Variants in AGTPBP1 observed in about 807,000 individuals in gnomAD.
The protein encoded by AGTPBP1 is cytosolic carboxypeptidase 1.
Under a neutral mutation model 143.9 loss-of-function variants are expected in AGTPBP1, and 70 were observed. The observed-to-expected ratio is 0.49, with a 90% CI of 0.40 to 0.59. AGTPBP1 has a LOEUF of 0.59. Ranked by LOEUF, AGTPBP1 falls within the 20% of genes least tolerant of loss-of-function variation. The pLI, the probability that AGTPBP1 is intolerant of heterozygous loss-of-function variation, is 0.00. For synonymous variants in AGTPBP1, 463 were observed against 500.2 expected, an observed-to-expected ratio of 0.93 and a Z score of 0.99; for missense variants, 1,229 against 1,464.5, an observed-to-expected ratio of 0.84 and a Z score of 2.62.
At chr9:85,611,155 C>CTTTTTTTTT (rs56023115) in intron 17 of AGTPBP1, among the ~76,000 whole-genome samples, 1 of 112,736 alleles carries the variant, frequency 8.9e-6, no homozygotes, top group Non-Finnish European at 1.8e-5. Flanking sequence ...AGGGGCTTTT[C>CTTTTTTTTT]TTTTTTTTTT....
chr9:85,633,215 C>A lies in AGTPBP1; in HGVS notation c.1462G>T (p.Gly488Cys). 1.2e-6 allele frequency: 2 copies of A among 1,613,464 alleles called. No homozygotes were observed. Among genetic ancestry groups the A allele is most frequent in the Non-Finnish European group, 1.7e-6 (2 of 1,179,892 alleles). The change falls in exon 14 of 26, where the codon GGT becomes TGT. Residue 488 changes from glycine to cysteine, a missense_variant. Gly to Cys is a radical substitution (Grantham distance 159, BLOSUM62 -3). This residue lies in a region of AGTPBP1 where 743 missense variants were observed against 812.2 expected (regional missense o/e 0.91). Transcript: ENST00000357081. ...TCCATAAAGGTAGACTTCTTTTCAC[C>A]TTCATCTCCTTTAGAAGATATGTTC... ...KENISSKGDE[G>C]EKKSTFMDLA...
intron 8 of AGTPBP1, among the ~76,000 whole-genome samples, chr9:85,668,168 A>C (rs1182564807): frequency 2.6e-5 from 4 of 152,200 alleles, no homozygotes; most frequent in African/African-American, 9.6e-5. Flanking sequence ...TAACAGGTAC[A>C]TCAGAGTTCA....
At chr9:85,767,598 G>A in the AGTPBP1 span, among the ~76,000 whole-genome samples, 2 of 150,894 alleles carry the variant, frequency 1.3e-5, no homozygotes, top group South Asian at 2.1e-4. Flanking sequence ...CACCCACCTC[G>A]GCCTCCCAAA....
Position 85,655,304 on chromosome 9 carries a change from C to T in AGTPBP1, c.926G>A (p.Arg309Lys). ...GGTATTGACAAGAGGATCCAGAGTCCTGACTGCCAGACATTCCTGTTTTTT... is the reference window on the plus strand; with the variant it reads ...GGTATTGACAAGAGGATCCAGAGTCTTGACTGCCAGACATTCCTGTTTTTT... ...YNTSQECLAV[R>K]TLDPLVNTSS... is the part of the protein sequence containing the mutation. The change falls in exon 11 of 26, where the codon AGG becomes AAG. Residue 309 changes from arginine (R) to lysine (K), a missense_variant. Physicochemically the swap from Arg to Lys is conservative, Grantham distance 26 (BLOSUM62 2). Coordinates refer to ENST00000357081, the MANE Select transcript of AGTPBP1 (RefSeq NM_001330701.2). The T allele has an allele frequency of 6.5e-7, 1 of 1,543,892 alleles. No individual in the cohort carries two copies. Among genetic ancestry groups the T allele is most frequent in the Non-Finnish European group, 8.7e-7 (1 of 1,144,826 alleles).
At chr9:85,645,219 T>C (rs2814725) in intron 12 of AGTPBP1, among the ~76,000 whole-genome samples, 22,055 of 152,168 alleles carry the variant, frequency 0.14, 1,778 homozygotes, top group East Asian at 0.3. Context: ...TAATAAAATG[T>C]ATTTTGTTCT....
At chr9:85,743,926 C>CT (rs10576766), upstream of AGTPBP1, among the ~76,000 whole-genome samples, 231 of 132,430 alleles carry the variant, frequency 1.7e-3, no homozygotes, top group Middle Eastern at 4.0e-3. Flanking sequence ...CTTTTTCTTT[C>CT]TTTTTTTTTT....
At chr9:85,713,025 T>G (rs1837479573) in intron 1 of AGTPBP1, among the ~76,000 whole-genome samples, 1 of 152,242 alleles carries the variant, frequency 6.6e-6, no homozygotes. Context: ...AAAGCTTCTA[T>G]GCACATCTTC....
At chr9:85,587,095 T>C in intron 21 of AGTPBP1, 135 bp from the exon 22 acceptor site, 2 of 1,101,122 alleles carry the variant, frequency 1.8e-6, no homozygotes, top group South Asian at 2.2e-5. Context: ...TAGGTATAGA[T>C]GGTAAGCTCA....
intron 1 of AGTPBP1, among the ~76,000 whole-genome samples, chr9:85,738,105 T>G (rs886673789): frequency 2.0e-5 from 3 of 152,250 alleles, no homozygotes; most frequent in Admixed American, 6.5e-5. Context: ...TATATTAACA[T>G]GTAAAGAGTT....
chr9:85,800,480 G>A, the AGTPBP1 span, among the ~76,000 whole-genome samples: 11 of 152,112 alleles, frequency 7.2e-5, no homozygotes, highest in Admixed American at 2.0e-4. Context: ...TGCTTTCCAC[G>A]TTTCTAAGTT....
chr9:85,710,139 C>A (rs900743805), intron 2 of AGTPBP1, among the ~76,000 whole-genome samples: 1 of 152,016 alleles, frequency 6.6e-6, no homozygotes, highest in Non-Finnish European at 1.5e-5. Context: ...TATCAGTTTA[C>A]AGGCTTTGTG....
chr9:85,582,912 G>T (rs897889187), intron 23 of AGTPBP1, among the ~76,000 whole-genome samples: 3 of 152,052 alleles, frequency 2.0e-5, no homozygotes, highest in Non-Finnish European at 4.4e-5. Context: ...TACTTTACAT[G>T]GCAAAAGGGG....
At chr9:85,747,020 A>AT (rs374764497), upstream of AGTPBP1, among the ~76,000 whole-genome samples, 9 of 149,928 alleles carry the variant, frequency 6.0e-5, no homozygotes, top group Non-Finnish European at 1.0e-4. Flanking sequence ...CACCTGGCTA[A>AT]TTTTTTTTTT....
chr9:85,658,965 C>T (rs1306841629), intron 9 of AGTPBP1, among the ~76,000 whole-genome samples: 1 of 152,078 alleles, frequency 6.6e-6, no homozygotes, highest in Non-Finnish European at 1.5e-5. Flanking sequence ...TGGAAATAAG[C>T]CTTTAGTTTA....
At chr9:85,670,850 C>A (rs1834436424) in intron 7 of AGTPBP1, among the ~76,000 whole-genome samples, 2 of 152,132 alleles carry the variant, frequency 1.3e-5, no homozygotes, top group South Asian at 4.1e-4. Context: ...TCCGTTATCC[C>A]TTCTAATTTC....
chr9:85,630,137 T>C (rs764958020), intron 14 of AGTPBP1, among the ~76,000 whole-genome samples: 3 of 152,210 alleles, frequency 2.0e-5, no homozygotes, highest in Admixed American at 1.3e-4. Flanking sequence ...GAGATGATGC[T>C]GAAAAGAAGA....
At chr9:85,592,918 C>G (rs1829062664) in intron 18 of AGTPBP1, among the ~76,000 whole-genome samples, 1 of 152,096 alleles carries the variant, frequency 6.6e-6, no homozygotes, top group South Asian at 2.1e-4. Context: ...TCTGAATTTA[C>G]TAATTAAATG....
chr9:85,753,224 G>T, the AGTPBP1 span: 132 of 1,539,154 alleles, frequency 8.6e-5, 2 homozygotes, highest in East Asian at 2.6e-3. Context: ...TCCAAAAAAA[G>T]AAAGAAAAAA....
At chr9:85,786,621 T>G in the AGTPBP1 span, 1 of 1,516,332 alleles carries the variant, frequency 6.6e-7, no homozygotes, top group Non-Finnish European at 8.8e-7. Context: ...GTAAAAAGAT[T>G]CCTTTTTCTA....
Sources: allele counts gnomAD v4.1 joint callset (sites outside exome capture counted in the v4.1 genomes callset), GRCh38; gene constraint gnomAD v4.1.1; regional missense constraint gnomAD v4.1.1; transcripts MANE v1.5; gene names NCBI Gene and HGNC (gene_info 2026-07-23, HGNC 2026-07-21).